Variants in FZD3 observed in about 807,000 individuals in gnomAD.
FZD3 encodes frizzled-3.
FZD3 carries 30 observed loss-of-function variants against 60.7 expected under a neutral mutation model. The observed-to-expected ratio is 0.49, with a 90% CI of 0.37 to 0.67. FZD3 has a LOEUF of 0.67. FZD3 is among the 30% of genes least tolerant of loss of function. The probability of loss-of-function intolerance (pLI) is 0.00; values close to 1 mark genes in which losing one functional copy is unlikely to be tolerated. For synonymous variants in FZD3, 246 were observed against 275.2 expected (o/e 0.89, Z 1.05); for missense variants, 605 against 838.7 (o/e 0.72, Z 3.44).
intron 4 of FZD3, among the ~76,000 whole-genome samples, chr8:28,525,165 C>G (rs1804684269): frequency 6.6e-6 from 1 of 152,108 alleles, no homozygotes; most frequent in African/African-American, 2.4e-5. Flanking sequence ...TTCATTAGTT[C>G]AACACATGTC....
intron 5 of FZD3, among the ~76,000 whole-genome samples, chr8:28,535,326 A>G (rs1804981649): frequency 6.6e-6 from 1 of 152,172 alleles, no homozygotes; most frequent in East Asian, 1.9e-4. Context: ...GCCTTGTACC[A>G]GTTTTCCCTG....
chr8:28,553,528 A>C (rs954914719), intron 6 of FZD3, among the ~76,000 whole-genome samples: 2 of 152,238 alleles, frequency 1.3e-5, no homozygotes, highest in African/African-American at 4.8e-5. Context: ...GTGGCATTAG[A>C]AATTCCAGAT....
intron 2 of FZD3, among the ~76,000 whole-genome samples, 173 bp from the exon 3 acceptor site, chr8:28,502,497 G>A (rs186814122): frequency 5.3e-5 from 8 of 152,230 alleles, no homozygotes; most frequent in Admixed American, 5.2e-4. Flanking sequence ...TCATTTTAGT[G>A]TAGCTATAGC....
chr8:28,520,209 C>G (rs1457153061), intron 3 of FZD3, among the ~76,000 whole-genome samples: 3 of 42,352 alleles, frequency 7.1e-5, no homozygotes, highest in African/African-American at 1.1e-4. Context: ...GACTCCATCT[C>G]AAAAAAAACA....
chr8:28,494,733 A>C (rs1421252219), intron 1 of FZD3, among the ~76,000 whole-genome samples: 1 of 151,666 alleles, frequency 6.6e-6, no homozygotes, highest in Non-Finnish European at 1.5e-5. Context: ...GCTCGCCTCT[A>C]CCCCGGCTCA....
At chr8:28,519,453 G>A (rs1804514213) in intron 3 of FZD3, among the ~76,000 whole-genome samples, 1 of 152,110 alleles carries the variant, frequency 6.6e-6, no homozygotes, top group Non-Finnish European at 1.5e-5. Context: ...ATTTGAAAAA[G>A]GCATGGTGGC....
chr8:28,525,009 A>G (rs1225357905), intron 4 of FZD3, among the ~76,000 whole-genome samples: 3 of 152,146 alleles, frequency 2.0e-5, no homozygotes. Context: ...TATCTGTCTC[A>G]TTCTCACTGC....
intron 5 of FZD3, among the ~76,000 whole-genome samples, chr8:28,528,963 A>G (rs1804791046): frequency 1.3e-5 from 2 of 152,128 alleles, no homozygotes; most frequent in African/African-American, 4.8e-5. Flanking sequence ...GAGTCTTACT[A>G]GAATGCAGTG....
Position 28,528,065 on chromosome 8 carries a change from A to G in FZD3, c.1305A>G (p.Val435=), listed in dbSNP as rs1314908807. ...SILYLVPLLV[V]IGCYFYEQAY... is the part of the protein sequence containing the mutation. ...TTTATCTCGTACCACTCTTGGTTGT[A>G]ATTGGATGCTACTTTTATGAGCAAG... is the stretch of plus-strand genomic sequence containing the variant. The change falls in exon 5 of 8, where the codon GTA becomes GTG. Residue 435 remains valine, a synonymous_variant. Coordinates refer to ENST00000240093, the MANE Select transcript of FZD3 (RefSeq NM_017412.4). The G allele has an allele frequency of 6.2e-7, 1 of 1,613,890 alleles. No individual in the cohort carries two copies. Among genetic ancestry groups the G allele is most frequent in the Non-Finnish European group, 8.5e-7 (1 of 1,179,780 alleles).
Position 28,569,908 on chromosome 8 carries a change from G to A in FZD3, c.*6897G>A, listed in dbSNP as rs912498406. The A allele has an allele frequency of 1.3e-5, 2 of 152,106 alleles. No individual in the cohort carries two copies. Among genetic ancestry groups the A allele is most frequent in the African/African-American group, 4.8e-5 (2 of 41,418 alleles). 9.4% of individuals were successfully genotyped at this position (152,106 alleles called of 1,614,324 possible). A position where few individuals can be genotyped will look rare whatever the true frequency, so the allele number is the denominator to read the frequency against. On this transcript the variant is annotated 3_prime_UTR_variant, in exon 8 of 8. Transcript: ENST00000240093. ...ATTCAAGATCAAATTAGTGAACAAA[G>A]CAATGGTTCGTATGGCTAATTTAAA... is the stretch of plus-strand genomic sequence containing the variant.
At chr8:28,521,398 A>G (rs574785982) in intron 4 of FZD3, among the ~76,000 whole-genome samples, 8 of 152,178 alleles carry the variant, frequency 5.3e-5, no homozygotes, top group African/African-American at 1.9e-4. Flanking sequence ...AATATACTAT[A>G]TTTATTATGT....
chr8:28,520,916 T>TA (rs779139892), intron 4 of FZD3, 82 bp downstream of exon 4: 93 of 1,003,294 alleles, frequency 9.3e-5, no homozygotes, highest in Admixed American at 1.9e-4. Flanking sequence ...CCATCTGTTT[T>TA]AAAAAACTTT....
intron 6 of FZD3, among the ~76,000 whole-genome samples, chr8:28,554,787 A>G (rs887119516): frequency 1.3e-5 from 2 of 152,144 alleles, no homozygotes; most frequent in African/African-American, 2.4e-5. Context: ...AACAGCAATA[A>G]TGACAATCCT....
rs35662589 is a variant in FZD3, at chr8:28,522,767, C to CTTT, written c.386+1952_386+1954dup. On this transcript the variant is annotated intron_variant, in intron 4 of 7. Transcript: ENST00000240093. ...CTTAAATTCTGAAAAAGGGAACTTT[C>CTTT]TTTTTTTTTTTTTTTTTTTTTGAGA... 1.0e-3 allele frequency among the ~76,000 whole-genome samples: 100 copies of CTTT among 96,828 alleles called. 1 individual carries two copies. Among genetic ancestry groups the CTTT allele is most frequent in the African/African-American group, 2.3e-3 (57 of 25,034 alleles). The allele number at this position is 96,828 out of a possible 152,430, so 63.5% of individuals were successfully genotyped here.
intron 1 of FZD3, among the ~76,000 whole-genome samples, chr8:28,498,267 A>T (rs1203141323): frequency 6.6e-6 from 1 of 152,058 alleles, no homozygotes; most frequent in Non-Finnish European, 1.5e-5. Flanking sequence ...GATTATGTTA[A>T]TCTAATAGGT....
At chr8:28,543,091 T>G (rs1055242391) in intron 5 of FZD3, among the ~76,000 whole-genome samples, 1 of 152,212 alleles carries the variant, frequency 6.6e-6, no homozygotes, top group Non-Finnish European at 1.5e-5. Flanking sequence ...GTGATTTGAC[T>G]TATGTCACGT....
At chr8:28,506,264 T>C (rs1263784959) in intron 3 of FZD3, among the ~76,000 whole-genome samples, 2 of 152,218 alleles carry the variant, frequency 1.3e-5, no homozygotes, top group African/African-American at 4.8e-5. Context: ...AACAGATTAG[T>C]GGAAGAAGCA....
chr8:28,506,622 G>T (rs1233102745), intron 3 of FZD3, among the ~76,000 whole-genome samples: 1 of 152,016 alleles, frequency 6.6e-6, no homozygotes, highest in Non-Finnish European at 1.5e-5. Context: ...CTCCTGGAAT[G>T]GTTTGTGTTT....
At chr8:28,504,868 T>C (rs1804094849) in intron 3 of FZD3, among the ~76,000 whole-genome samples, 1 of 152,256 alleles carries the variant, frequency 6.6e-6, no homozygotes, top group Non-Finnish European at 1.5e-5. Context: ...AGGCTCTCTC[T>C]GACTTCTCAA....
Sources: gnomAD v4.1 joint callset for allele counts (sites outside exome capture counted in the v4.1 genomes callset) on GRCh38, gnomAD v4.1.1 for gene constraint, MANE v1.5 for transcripts, NCBI Gene and HGNC (gene_info 2026-07-23, HGNC 2026-07-21) for gene names.